Variants in NXPH1 observed in about 807,000 individuals in gnomAD.
NXPH1 encodes neurexophilin-1.
NXPH1 carries 5 observed loss-of-function variants against 23.7 expected under a neutral mutation model. The observed-to-expected ratio is 0.21, with a 90% CI of 0.11 to 0.44. The LOEUF (loss-of-function observed/expected upper bound fraction) is 0.44, where lower values mean the gene tolerates loss of function less well. Among genes scored for constraint, NXPH1 ranks in the 20% least tolerant of loss-of-function variants. NXPH1 has a pLI of 0.99. For synonymous variants in NXPH1, 144 were observed against 122.2 expected, an observed-to-expected ratio of 1.18 and a Z score of -1.18; for missense variants, 324 against 321.6, an observed-to-expected ratio of 1.01 and a Z score of -0.06.
intron 2 of NXPH1, among the ~76,000 whole-genome samples, chr7:8,454,848 C>T (rs1360456433): frequency 1.3e-5 from 2 of 152,070 alleles, no homozygotes; most frequent in Non-Finnish European, 2.9e-5. Flanking sequence ...CTGGGGCTTA[C>T]TACATTAGAC....
intron 2 of NXPH1, among the ~76,000 whole-genome samples, chr7:8,498,811 A>G (rs1817383160): frequency 1.3e-5 from 2 of 152,050 alleles, no homozygotes; most frequent in Non-Finnish European, 2.9e-5. Flanking sequence ...AGTAAGAGGG[A>G]TAAGATTTAG....
chr7:8,463,898 T>C (rs1816734065), intron 2 of NXPH1, among the ~76,000 whole-genome samples: 2 of 152,230 alleles, frequency 1.3e-5, no homozygotes, highest in African/African-American at 4.8e-5. Context: ...CTGGCATTAT[T>C]TCTCCTACTC....
intron 2 of NXPH1, among the ~76,000 whole-genome samples, chr7:8,652,386 TATC>T (rs1045513180): frequency 2.6e-5 from 4 of 152,196 alleles, no homozygotes; most frequent in Non-Finnish European, 4.4e-5. Context: ...TGAAAGGTTT[TATC>T]ATTTCTTTTT....
chr7:8,522,930 G>A (rs985234388), intron 2 of NXPH1, among the ~76,000 whole-genome samples: 1 of 152,172 alleles, frequency 6.6e-6, no homozygotes, highest in Non-Finnish European at 1.5e-5. Context: ...CATTGGCTAT[G>A]GAGACAGATG....
At chr7:8,483,428 T>C (rs1443969477) in intron 2 of NXPH1, among the ~76,000 whole-genome samples, 2 of 152,076 alleles carry the variant, frequency 1.3e-5, no homozygotes, top group Non-Finnish European at 2.9e-5. Context: ...CCTCCCAGGC[T>C]CAAGCGGTCT....
chr7:8,732,629 A>G (rs1362045455), intron 2 of NXPH1, among the ~76,000 whole-genome samples: 1 of 152,172 alleles, frequency 6.6e-6, no homozygotes, highest in African/African-American at 2.4e-5. Context: ...TAGTCTTTTA[A>G]TGTGTTATTT....
intron 2 of NXPH1, among the ~76,000 whole-genome samples, chr7:8,507,523 T>C (rs1455932620): frequency 3.9e-5 from 6 of 152,084 alleles, no homozygotes; most frequent in Non-Finnish European, 8.8e-5. Flanking sequence ...TTACCGCATA[T>C]ACATCAAAAT....
intron 2 of NXPH1, among the ~76,000 whole-genome samples, chr7:8,491,145 G>C (rs993473835): frequency 6.6e-6 from 1 of 151,954 alleles, no homozygotes; most frequent in Non-Finnish European, 1.5e-5. Flanking sequence ...AATTTTACCA[G>C]AGCAATGAAT....
At chr7:8,484,878 T>G (rs1255889731) in intron 2 of NXPH1, among the ~76,000 whole-genome samples, 1 of 152,214 alleles carries the variant, frequency 6.6e-6, no homozygotes, top group Non-Finnish European at 1.5e-5. Flanking sequence ...AGCCATCACT[T>G]AAGCAATTTG....
intron 2 of NXPH1, among the ~76,000 whole-genome samples, chr7:8,702,905 C>T (rs1286531809): frequency 6.6e-6 from 1 of 152,070 alleles, no homozygotes; most frequent in Non-Finnish European, 1.5e-5. Flanking sequence ...ACTATTGCCT[C>T]TGGGCTCTAA....
intron 2 of NXPH1, among the ~76,000 whole-genome samples, chr7:8,458,335 T>A (rs560488463): frequency 3.7e-4 from 57 of 152,330 alleles, no homozygotes; most frequent in African/African-American, 1.3e-3. Context: ...CACAGATTCA[T>A]GCTGTGGTTG....
chr7:8,537,282 TA>T (rs917714440), intron 2 of NXPH1, among the ~76,000 whole-genome samples: 5 of 152,000 alleles, frequency 3.3e-5, no homozygotes, highest in African/African-American at 1.2e-4. Context: ...TTCTGAAGTT[TA>T]ACAGAAGCAC....
intron 2 of NXPH1, among the ~76,000 whole-genome samples, chr7:8,744,597 C>T (rs1260149479): frequency 6.6e-6 from 1 of 152,186 alleles, no homozygotes; most frequent in Non-Finnish European, 1.5e-5. Context: ...ACATCACCAT[C>T]CCTCTCATGT....
At chr7:8,717,925 A>C (rs1247064213) in intron 2 of NXPH1, among the ~76,000 whole-genome samples, 1 of 148,764 alleles carries the variant, frequency 6.7e-6, no homozygotes, top group Admixed American at 6.7e-5. Context: ...CAACATGTAG[A>C]TATGCATGTG....
chr7:8,435,398 T>C lies in NXPH1; in HGVS notation c.-110-206T>C, dbSNP rs1649187009. 2.2e-6 allele frequency: 1 copy of C among 462,070 alleles called. No homozygotes were observed. The highest frequency in any genetic ancestry group is 3.9e-6 in the Non-Finnish European group (1 of 255,184). The allele number at this position is 462,070 out of a possible 1,614,324, so 28.6% of individuals were successfully genotyped here. ...GGGGCAAGGAGCCCCTCACCCTCCC[T>C]CTCGTCCGCCCGCCCGCCTCCCCAG... On this transcript the variant is annotated intron_variant, in intron 1 of 2. Transcript: ENST00000405863. This position sits in a 1 kb window ranked among gnomAD's most constrained non-coding sequence, Gnocchi z 5.9.
At chr7:8,514,939 C>A (rs1321320829) in intron 2 of NXPH1, among the ~76,000 whole-genome samples, 6 of 152,000 alleles carry the variant, frequency 3.9e-5, no homozygotes, top group Non-Finnish European at 8.8e-5. Flanking sequence ...TCATATGGCC[C>A]ATATGTCTTC....
At chr7:8,749,629 A>G (rs2115235208) in intron 2 of NXPH1, among the ~76,000 whole-genome samples, 1 of 152,342 alleles carries the variant, frequency 6.6e-6, no homozygotes, top group South Asian at 2.1e-4. Context: ...TGGAGGGTCC[A>G]ATGAAGCTGC....
At chr7:8,489,813 G>A (rs1817219184) in intron 2 of NXPH1, among the ~76,000 whole-genome samples, 1 of 152,048 alleles carries the variant, frequency 6.6e-6, no homozygotes, top group African/African-American at 2.4e-5. Flanking sequence ...ATTCAAACCT[G>A]CTCTCAGTTA....
At chr7:8,510,972 C>G (rs1817602058) in intron 2 of NXPH1, among the ~76,000 whole-genome samples, 1 of 152,016 alleles carries the variant, frequency 6.6e-6, no homozygotes, top group Non-Finnish European at 1.5e-5. Flanking sequence ...TATGCTGCTA[C>G]TAGTCTGATC....
Sources: allele counts gnomAD v4.1 joint callset (sites outside exome capture counted in the v4.1 genomes callset), GRCh38; gene constraint gnomAD v4.1.1; non-coding constraint Gnocchi (gnomAD v3.1); transcripts MANE v1.5; gene names NCBI Gene and HGNC (gene_info 2026-07-23, HGNC 2026-07-21).